The following AEBP2 variants were observed in gnomAD, a reference collection of about 807,000 sequenced individuals.
The protein encoded by AEBP2 is AE binding protein 2.
In AEBP2, 10 loss-of-function variants were observed where a neutral mutation model predicts 50.8. The ratio of observed to expected loss-of-function variants is 0.20; its 90% CI spans 0.12 to 0.33. The LOEUF (loss-of-function observed/expected upper bound fraction) is 0.33, where lower values mean the gene tolerates loss of function less well. Among genes scored for constraint, AEBP2 ranks in the 10% least tolerant of loss-of-function variants. The pLI, the probability that AEBP2 is intolerant of heterozygous loss-of-function variation, is 1.00. For missense variants in AEBP2, 570 were observed against 688.0 expected, an observed-to-expected ratio of 0.83 and a Z score of 1.92; for synonymous variants, 296 against 261.3, an observed-to-expected ratio of 1.13 and a Z score of -1.28.
upstream of AEBP2, among the ~76,000 whole-genome samples, chr12:19,438,070 G>A (rs982377333): frequency 3.9e-5 from 6 of 152,128 alleles, no homozygotes; most frequent in Non-Finnish European, 7.4e-5. Flanking sequence ...ACAAAAGAAA[G>A]GCATAATTCT....
intron 1 of AEBP2, among the ~76,000 whole-genome samples, chr12:19,417,825 C>T (rs930251111): frequency 6.6e-6 from 1 of 151,998 alleles, no homozygotes; most frequent in African/African-American, 2.4e-5. Flanking sequence ...CTGCCTCAGC[C>T]TCCTGAGTAG....
chr12:19,519,219 A>G lies in AEBP2; in HGVS notation c.*1102A>G, dbSNP rs921753037. The G allele has an allele frequency of 6.6e-6, 1 of 152,520 alleles. No homozygotes were observed. The highest frequency in any genetic ancestry group is 2.4e-5 in the African/African-American group (1 of 41,430). 9.4% of individuals were successfully genotyped at this position (152,520 alleles called of 1,614,324 possible). A position where few individuals can be genotyped will look rare whatever the true frequency, so the allele number is the denominator to read the frequency against. Reference sequence around the variant, plus strand: ...ACATTGCTTGTAAATAATTCAGCAGATTTGTAATATATTTTTATATTTTGA... The same window carrying G: ...ACATTGCTTGTAAATAATTCAGCAGGTTTGTAATATATTTTTATATTTTGA... On this transcript the variant is annotated 3_prime_UTR_variant, in exon 8 of 8. Transcript: ENST00000266508.
intron 7 of AEBP2, among the ~76,000 whole-genome samples, chr12:19,515,121 G>T (rs1237613007): frequency 1.3e-5 from 2 of 151,892 alleles, no homozygotes; most frequent in East Asian, 3.9e-4. Flanking sequence ...CTAAGAATAT[G>T]TTGCATGAGT....
At chr12:19,476,660 A>G (rs938616405) in intron 3 of AEBP2, among the ~76,000 whole-genome samples, 4 of 152,168 alleles carry the variant, frequency 2.6e-5, no homozygotes, top group Non-Finnish European at 5.9e-5. Context: ...TGGGATCTCT[A>G]TTACATTGGT....
Position 19,439,652 on chromosome 12 carries a change from G to T in AEBP2, c.-48G>T. 6.7e-7 allele frequency: 1 copy of T among 1,490,816 alleles called. No homozygotes were observed. The highest frequency in any genetic ancestry group is 1.2e-5 in the South Asian group (1 of 81,050). 92.3% of individuals were successfully genotyped at this position (1,490,816 alleles called of 1,614,324 possible). Reference sequence around the variant, plus strand: ...GGGCGAGGGAGAGAGAGTCGAGAGAGGGAGGCGGCGGTGGGGAGGAGGAGG... The same window carrying T: ...GGGCGAGGGAGAGAGAGTCGAGAGATGGAGGCGGCGGTGGGGAGGAGGAGG... On this transcript the variant is annotated 5_prime_UTR_variant, in exon 1 of 8. It adds an upstream start codon to the 5' untranslated region. Transcript: ENST00000266508.
In AEBP2 at chr12:19,494,086, A is replaced by G. The variant is rs1948934048; in HGVS notation, c.1174+100A>G. The G allele has an allele frequency of 2.3e-6, 3 of 1,301,432 alleles. No homozygotes were observed. In the South Asian group the frequency reaches 4.6e-5, roughly 20 times the overall value. 80.6% of individuals were successfully genotyped at this position (1,301,432 alleles called of 1,614,324 possible). A position where few individuals can be genotyped will look rare whatever the true frequency, so the allele number is the denominator to read the frequency against. Reference sequence around the variant, plus strand: ...TTTGAACTTCAACTCCTCTTCTATTAAAAGTAACAAACAGGTAGGATGCCT... The same window carrying G: ...TTTGAACTTCAACTCCTCTTCTATTGAAAGTAACAAACAGGTAGGATGCCT... On this transcript the variant is annotated intron_variant, in intron 4 of 7. Transcript: ENST00000266508.
chr12:19,478,421 A>T (rs1565722643), intron 3 of AEBP2, among the ~76,000 whole-genome samples: 1 of 151,944 alleles, frequency 6.6e-6, no homozygotes, highest in South Asian at 2.1e-4. Context: ...TCAGCCTCCC[A>T]AGTAAGCTGA....
At chr12:19,456,891 C>T (rs751370217) in intron 1 of AEBP2, 1 of 1,463,472 alleles carries the variant, frequency 6.8e-7, no homozygotes, top group Non-Finnish European at 9.6e-7. Flanking sequence ...CCTGGAGAGG[C>T]AGGCAAAGGG....
intron 1 of AEBP2, among the ~76,000 whole-genome samples, chr12:19,443,037 G>A (rs542104824): frequency 1.3e-5 from 2 of 151,878 alleles, no homozygotes; most frequent in Admixed American, 6.6e-5. Flanking sequence ...TTTTGGTTAC[G>A]TTGTGCTTTT....
At chr12:19,441,218 T>A (rs1191780290) in intron 1 of AEBP2, among the ~76,000 whole-genome samples, 1 of 152,208 alleles carries the variant, frequency 6.6e-6, no homozygotes, top group African/African-American at 2.4e-5. Flanking sequence ...TGAGTATTAT[T>A]TTTCTTACTA....
chr12:19,463,139 A>G (rs1184061059), intron 2 of AEBP2, among the ~76,000 whole-genome samples: 1 of 152,230 alleles, frequency 6.6e-6, no homozygotes, highest in Non-Finnish European at 1.5e-5. Context: ...ATGCAATTCT[A>G]TTAAATAACA....
chr12:19,510,420 A>T (rs1192395043), intron 5 of AEBP2, among the ~76,000 whole-genome samples: 3 of 152,234 alleles, frequency 2.0e-5, no homozygotes, highest in African/African-American at 7.2e-5. Context: ...GTGTATGCGC[A>T]TGGGCAGACA....
chr12:19,484,692 A>C (rs1948781790), intron 3 of AEBP2, among the ~76,000 whole-genome samples: 2 of 152,046 alleles, frequency 1.3e-5, no homozygotes, highest in African/African-American at 4.8e-5. Flanking sequence ...AGTTTTAATT[A>C]GTATTTCTTT....
At chr12:19,467,832 G>T (rs1297281593) in intron 2 of AEBP2, among the ~76,000 whole-genome samples, 1 of 152,112 alleles carries the variant, frequency 6.6e-6, no homozygotes, top group Non-Finnish European at 1.5e-5. Context: ...TTTATTTTCT[G>T]TGTCATTTGA....
rs1433890708 is a variant in AEBP2 at position 19,512,660 on chromosome 12, G to GC, written c.1367+202dup. Among the ~76,000 whole-genome samples the GC allele has an allele frequency of 5.4e-5, 8 of 149,248 alleles. No homozygotes were observed. The South Asian group carries it at 1.1e-3, about 20-fold the overall frequency. Reference sequence around the variant, plus strand: ...TCACGTTTTACGCTTCAAAACTTAAGCCCCCCCTCTTTTTTTTTTTGCTGG... The same window carrying GC: ...TCACGTTTTACGCTTCAAAACTTAAGCCCCCCCCTCTTTTTTTTTTTGCTGG... On this transcript the variant is annotated intron_variant, in intron 6 of 7. Coordinates refer to ENST00000266508, the MANE Select transcript of AEBP2 (RefSeq NM_153207.5).
intron 1 of AEBP2, among the ~76,000 whole-genome samples, chr12:19,412,862 T>G (rs2095740089): frequency 1.3e-5 from 2 of 152,196 alleles, no homozygotes; most frequent in Admixed American, 1.3e-4. Flanking sequence ...ATGGGGAGGC[T>G]CTGGGTGCCT....
rs34351225 is a variant in AEBP2, at chr12:19,404,930, CTTTTTT to C, written c.-17+731_-17+736del. On this transcript the variant is annotated intron_variant, in intron 1 of 3. Transcript: ENST00000538425. Reference sequence around the variant, plus strand: ...CGTGATTCCAACTTCCTTGGCTACTCTTTTTTTTTTTTTTTTTTTTTTCAGACAAGG... The same window carrying C: ...CGTGATTCCAACTTCCTTGGCTACTCTTTTTTTTTTTTTTTTCAGACAAGG... 1.6e-3 allele frequency among the ~76,000 whole-genome samples: 156 copies of C among 95,710 alleles called. 3 individuals carry two copies. In the East Asian group the frequency reaches 0.044, roughly 27 times the overall value. The allele number at this position is 95,710 out of a possible 152,430, so 62.8% of individuals were successfully genotyped here. A position where few individuals can be genotyped will look rare whatever the true frequency, so the allele number is the denominator to read the frequency against.
chr12:19,517,593 T>G (rs893732202), intron 7 of AEBP2, among the ~76,000 whole-genome samples: 2 of 152,244 alleles, frequency 1.3e-5, no homozygotes, highest in Non-Finnish European at 2.9e-5. Context: ...GATTTTGGAA[T>G]CTGCAGGGGA....
At chr12:19,479,731 T>TG (rs1948699546) in intron 3 of AEBP2, among the ~76,000 whole-genome samples, 25 of 137,622 alleles carry the variant, frequency 1.8e-4, no homozygotes, top group Admixed American at 1.4e-3. Flanking sequence ...TTTTTTTTTT[T>TG]TTTTTTTTTT....
Sources: gnomAD v4.1 joint callset for allele counts (sites outside exome capture counted in the v4.1 genomes callset) on GRCh38, gnomAD v4.1.1 for gene constraint, MANE v1.5 for transcripts, NCBI Gene and HGNC (gene_info 2026-07-23, HGNC 2026-07-21) for gene names.